Variants in PVT1 observed in about 807,000 individuals in gnomAD.
PVT1 encodes Pvt1 oncogene, also known as CXCR4/PVT1 fusion.
intron 4 of PVT1, among the ~76,000 whole-genome samples, chr8:128,018,100 G>C (rs527300687): frequency 1.3e-5 from 2 of 152,344 alleles, no homozygotes; most frequent in South Asian, 4.1e-4. Context: ...TGTGAGAGGG[G>C]AGTGGTGGAA....
At chr8:127,821,169 G>T (rs1252326841) in intron 2 of PVT1, among the ~76,000 whole-genome samples, 1 of 152,182 alleles carries the variant, frequency 6.6e-6, no homozygotes, top group Non-Finnish European at 1.5e-5. Flanking sequence ...CAGAGATCAA[G>T]CCCGTCCGCA....
intron 4 of PVT1, among the ~76,000 whole-genome samples, chr8:128,040,725 T>C (rs1241944288): frequency 6.6e-6 from 1 of 152,110 alleles, no homozygotes; most frequent in South Asian, 2.1e-4. Flanking sequence ...GTGTGTGTTA[T>C]ATGTGTTTGG....
At chr8:128,076,852 T>C (rs539000285) in intron 5 of PVT1, among the ~76,000 whole-genome samples, 1 of 152,366 alleles carries the variant, frequency 6.6e-6, no homozygotes, top group African/African-American at 2.4e-5. Flanking sequence ...GCAGCTGTCC[T>C]GGCCCCTGGT....
At chr8:128,075,043 T>G (rs1162192708) in intron 5 of PVT1, among the ~76,000 whole-genome samples, 1 of 152,254 alleles carries the variant, frequency 6.6e-6, no homozygotes, top group East Asian at 1.9e-4. Context: ...ACTATTATAT[T>G]CATTTGTGAA....
chr8:128,068,524 G>A (rs1264869141), intron 4 of PVT1, among the ~76,000 whole-genome samples: 1 of 152,196 alleles, frequency 6.6e-6, no homozygotes, highest in African/African-American at 2.4e-5. Context: ...TTGAGACGGA[G>A]TCTTGCTCTG....
intron 4 of PVT1, among the ~76,000 whole-genome samples, chr8:128,033,373 C>G (rs973166476): frequency 2.6e-4 from 40 of 152,216 alleles, no homozygotes; most frequent in African/African-American, 9.2e-4. Flanking sequence ...GTGCCCAAGT[C>G]AGACTTATGT....
At chr8:127,937,064 C>T (rs911042260) in intron 3 of PVT1, among the ~76,000 whole-genome samples, 1 of 152,224 alleles carries the variant, frequency 6.6e-6, no homozygotes. Flanking sequence ...CACCTAACCC[C>T]TCGGGCTTGC....
rs182274530 is a variant in PVT1, at chr8:127,985,756, C to A, written n.783-3406C>A. 8.5e-5 allele frequency among the ~76,000 whole-genome samples: 13 copies of A among 152,348 alleles called. No individual in the cohort carries two copies. The East Asian group carries it at 2.5e-3, about 29-fold the overall frequency. ...GCTTCCCAGGGGAAACTGCTCCACT[C>A]TCTGCCATCTACAGCTCTTGCAGGT... On this transcript the variant is annotated intron_variant and non_coding_transcript_variant, in intron 3 of 10. Transcript: ENST00000651587.
At chr8:127,912,263 T>C (rs951250604) in intron 3 of PVT1, among the ~76,000 whole-genome samples, 1 of 152,136 alleles carries the variant, frequency 6.6e-6, no homozygotes, top group Non-Finnish European at 1.5e-5. Context: ...TACTTAAATT[T>C]TGGAGCACTT....
chr8:127,855,793 G>A (rs915213589), intron 2 of PVT1, among the ~76,000 whole-genome samples: 1 of 152,196 alleles, frequency 6.6e-6, no homozygotes, highest in Non-Finnish European at 1.5e-5. Context: ...GATAGACCTC[G>A]TGTGAAAATG....
chr8:127,972,360 TCA>T (rs1416378998), intron 3 of PVT1, among the ~76,000 whole-genome samples: 1 of 152,194 alleles, frequency 6.6e-6, no homozygotes, highest in African/African-American at 2.4e-5. Flanking sequence ...TGCTGGTCAC[TCA>T]CAGGGTGTTC....
intron 2 of PVT1, among the ~76,000 whole-genome samples, chr8:127,819,482 T>C (rs893034181): frequency 1.3e-5 from 2 of 152,208 alleles, no homozygotes; most frequent in African/African-American, 4.8e-5. Context: ...GAGAGATAAG[T>C]GTCTTCCCAA....
intron 5 of PVT1, among the ~76,000 whole-genome samples, chr8:128,093,758 C>A (rs1814391395): frequency 6.6e-6 from 1 of 151,886 alleles, no homozygotes; most frequent in Admixed American, 6.5e-5. Context: ...CTGCCTCAGC[C>A]TCCTGAGTGG....
chr8:128,083,492 A>T (rs577972718), intron 5 of PVT1, among the ~76,000 whole-genome samples: 37 of 152,302 alleles, frequency 2.4e-4, no homozygotes, highest in African/African-American at 8.9e-4. Context: ...TTTTGACAAA[A>T]AAAGGCTCCT....
At chr8:127,815,346 T>A (rs966268427) in intron 2 of PVT1, among the ~76,000 whole-genome samples, 1 of 152,252 alleles carries the variant, frequency 6.6e-6, no homozygotes, top group Admixed American at 6.5e-5. Flanking sequence ...AATGAGTTTT[T>A]AAATTCATTC....
chr8:127,972,167 G>A (rs72720809), intron 3 of PVT1, among the ~76,000 whole-genome samples: 24,272 of 152,246 alleles, frequency 0.16, 2,176 homozygotes, highest in South Asian at 0.29. Flanking sequence ...GCATGCTGGG[G>A]CGAAGTTCTG....
chr8:127,899,885 T>C (rs1815737083), intron 3 of PVT1, among the ~76,000 whole-genome samples: 1 of 152,114 alleles, frequency 6.6e-6, no homozygotes, highest in South Asian at 2.1e-4. Context: ...GATCTCTGTA[T>C]AGTGTGAATA....
At chr8:128,052,456 C>A (rs1167474788) in intron 4 of PVT1, among the ~76,000 whole-genome samples, 1 of 152,088 alleles carries the variant, frequency 6.6e-6, no homozygotes, top group Non-Finnish European at 1.5e-5. Context: ...TTTATTATTT[C>A]TATGCTCCAC....
At chr8:127,962,208 A>T (rs547212193) in intron 3 of PVT1, among the ~76,000 whole-genome samples, 1 of 151,588 alleles carries the variant, frequency 6.6e-6, no homozygotes, top group South Asian at 2.1e-4. Flanking sequence ...CTCGTGATCC[A>T]CCTGCCTTGG....
Sources: gnomAD v4.1 joint callset for allele counts (sites outside exome capture counted in the v4.1 genomes callset) on GRCh38, gnomAD v4.1.1 for gene constraint, MANE v1.5 for transcripts, NCBI Gene and HGNC (gene_info 2026-07-23, HGNC 2026-07-21) for gene names.